Variants in OPCML observed in about 807,000 individuals in gnomAD.
OPCML encodes opioid-binding protein/cell adhesion molecule.
OPCML carries 13 observed loss-of-function variants against 37.8 expected under a neutral mutation model. That is an observed-to-expected ratio of 0.34 (90% confidence interval 0.22 to 0.55). The LOEUF (loss-of-function observed/expected upper bound fraction) is 0.55. Among genes scored for constraint, OPCML ranks in the 20% least tolerant of loss-of-function variants. The pLI is 0.91. For missense variants in OPCML, 341 were observed against 435.6 expected, an observed-to-expected ratio of 0.78 and a Z score of 1.93; for synonymous variants, 176 against 168.8, an observed-to-expected ratio of 1.04 and a Z score of -0.33.
At chr11:133,433,601 C>A (rs537622965) in intron 1 of OPCML, among the ~76,000 whole-genome samples, 1 of 152,128 alleles carries the variant, frequency 6.6e-6, no homozygotes, top group African/African-American at 2.4e-5. Flanking sequence ...TCCAAGCTTA[C>A]GACATGGGAG....
chr11:132,642,665 T>C (rs1036457029), intron 3 of OPCML, among the ~76,000 whole-genome samples: 6 of 152,212 alleles, frequency 3.9e-5, no homozygotes, highest in African/African-American at 1.4e-4. Context: ...GGAAAACAAA[T>C]AATTTTAATA....
intron 3 of OPCML, among the ~76,000 whole-genome samples, chr11:132,603,163 C>T (rs1031388174): frequency 6.6e-6 from 1 of 152,164 alleles, no homozygotes; most frequent in African/African-American, 2.4e-5. Flanking sequence ...CTTCCTAAAT[C>T]TGTATGTCCA....
intron 1 of OPCML, among the ~76,000 whole-genome samples, chr11:133,261,070 A>G (rs1255905821): frequency 6.6e-6 from 1 of 152,184 alleles, no homozygotes; most frequent in Non-Finnish European, 1.5e-5. Context: ...GCTTAACAAA[A>G]CAAGTGCTCA....
At chr11:132,817,800 C>T (rs1041634025) in intron 2 of OPCML, among the ~76,000 whole-genome samples, 7 of 151,834 alleles carry the variant, frequency 4.6e-5, no homozygotes, top group African/African-American at 1.7e-4. Flanking sequence ...GAGCCTAGTA[C>T]TTATCAGGAT....
chr11:133,020,583 G>A (rs931145889), intron 1 of OPCML, among the ~76,000 whole-genome samples: 1 of 152,118 alleles, frequency 6.6e-6, no homozygotes, highest in African/African-American at 2.4e-5. Flanking sequence ...CAGGCAGCTG[G>A]GATCCTGTCT....
At chr11:132,764,467 G>A (rs891930526) in intron 2 of OPCML, among the ~76,000 whole-genome samples, 6 of 152,202 alleles carry the variant, frequency 3.9e-5, no homozygotes, top group South Asian at 2.1e-4. Context: ...GGTTTTAGAC[G>A]TTATTTTCCA....
At chr11:132,793,599 T>C (rs756826615) in intron 2 of OPCML, among the ~76,000 whole-genome samples, 1 of 152,182 alleles carries the variant, frequency 6.6e-6, no homozygotes, top group African/African-American at 2.4e-5. Context: ...GGGTGTCTAA[T>C]GCTCTTTGGA....
At chr11:133,077,339 T>C (rs1405789060) in intron 1 of OPCML, among the ~76,000 whole-genome samples, 1 of 152,006 alleles carries the variant, frequency 6.6e-6, no homozygotes, top group African/African-American at 2.4e-5. Context: ...ATTTTCCCCG[T>C]GGGCTCGGCG....
intron 1 of OPCML, among the ~76,000 whole-genome samples, chr11:132,995,390 T>C (rs913279419): frequency 6.6e-6 from 1 of 152,066 alleles, no homozygotes; most frequent in Non-Finnish European, 1.5e-5. Flanking sequence ...TAAAAGAGGA[T>C]GTGGAAAGTT....
At chr11:133,527,991 C>A (rs1447630346) in intron 1 of OPCML, among the ~76,000 whole-genome samples, 1 of 152,368 alleles carries the variant, frequency 6.6e-6, no homozygotes, top group East Asian at 1.9e-4. Context: ...AGCTGCTAGA[C>A]AACAAATGCA....
rs544929708 is a variant in OPCML, at chr11:132,575,292, T to C, written c.380-46106A>G. On this transcript the variant is annotated intron_variant, in intron 3 of 7. Transcript: ENST00000524381. ...TTACTATTGCTAGTTTGTTAGTTGTTTTATTTTAGTACTATAGTTCTTTTG... is the reference window on the plus strand; with the variant it reads ...TTACTATTGCTAGTTTGTTAGTTGTCTTATTTTAGTACTATAGTTCTTTTG... 9.9e-5 allele frequency among the ~76,000 whole-genome samples: 15 copies of C among 152,214 alleles called. No homozygotes were observed. The South Asian group carries it at 3.1e-3, about 32-fold the overall frequency.
intron 1 of OPCML, among the ~76,000 whole-genome samples, chr11:133,013,168 A>T (rs1947253386): frequency 6.6e-6 from 1 of 152,232 alleles, no homozygotes; most frequent in Non-Finnish European, 1.5e-5. Context: ...TTGCTGCACC[A>T]TGTGGGCTCT....
chr11:132,962,257 A>C (rs979023688), intron 1 of OPCML, among the ~76,000 whole-genome samples: 8 of 152,220 alleles, frequency 5.3e-5, no homozygotes, highest in Non-Finnish European at 8.8e-5. Flanking sequence ...AAACTGAGCA[A>C]GGGGAAAGCA....
chr11:133,164,985 C>A (rs963868903), intron 1 of OPCML, among the ~76,000 whole-genome samples: 2 of 152,190 alleles, frequency 1.3e-5, no homozygotes, highest in Non-Finnish European at 2.9e-5. Context: ...TGTTCTTAAA[C>A]AGCATTTTAA....
At chr11:132,543,003 T>C (rs527766812) in intron 3 of OPCML, among the ~76,000 whole-genome samples, 2 of 152,242 alleles carry the variant, frequency 1.3e-5, no homozygotes, top group South Asian at 4.1e-4. Flanking sequence ...GGGAGGAAGA[T>C]GGGATTTGGA....
intron 2 of OPCML, among the ~76,000 whole-genome samples, chr11:132,736,587 G>T (rs1945268460): frequency 6.6e-6 from 1 of 152,182 alleles, no homozygotes; most frequent in African/African-American, 2.4e-5. Context: ...GGTAACTCCT[G>T]AAGTTACATC....
At chr11:132,648,586 C>A (rs919846798) in intron 3 of OPCML, among the ~76,000 whole-genome samples, 8 of 148,006 alleles carry the variant, frequency 5.4e-5, no homozygotes, top group African/African-American at 1.5e-4. Flanking sequence ...GGGGTGTGAT[C>A]TTGGCTCACT....
chr11:132,693,528 A>C (rs886245247), intron 2 of OPCML, among the ~76,000 whole-genome samples: 1 of 152,208 alleles, frequency 6.6e-6, no homozygotes, highest in Admixed American at 6.5e-5. Context: ...CATTCTCCAA[A>C]TGAAGAATAT....
intron 2 of OPCML, among the ~76,000 whole-genome samples, chr11:132,845,518 C>G (rs1337784913): frequency 6.6e-6 from 1 of 152,148 alleles, no homozygotes; most frequent in African/African-American, 2.4e-5. Context: ...GTTTTCCTCC[C>G]AGTAGCTATG....
Sources: allele counts gnomAD v4.1 joint callset (sites outside exome capture counted in the v4.1 genomes callset), GRCh38; gene constraint gnomAD v4.1.1; transcripts MANE v1.5; gene names NCBI Gene and HGNC (gene_info 2026-07-23, HGNC 2026-07-21).